The following TOGARAM1 variants were observed in gnomAD, a reference collection of about 807,000 sequenced individuals.
The protein encoded by TOGARAM1 is TOG array regulator of axonemal microtubules 1, also known as TOG array regulator of axonemal microtubules protein 1.
A neutral mutation model predicts 166.6 loss-of-function variants in TOGARAM1; 100 were observed. The observed-to-expected ratio is 0.60, with a 90% CI of 0.51 to 0.71. TOGARAM1 has a LOEUF of 0.71. TOGARAM1 is among the 30% of genes least tolerant of loss of function. TOGARAM1 has a pLI of 0.00. For missense variants in TOGARAM1, 2,029 were observed against 2,102.7 expected, an observed-to-expected ratio of 0.96 and a Z score of 0.69; for synonymous variants, 758 against 763.8, an observed-to-expected ratio of 0.99 and a Z score of 0.13.
At chr14:45,042,192 G>T (rs112245250) in intron 11 of TOGARAM1, 1 of 152,050 alleles carries the variant, frequency 6.6e-6, no homozygotes, top group African/African-American at 2.4e-5. Context: ...TTTCATCACC[G>T]GTTTCCATGC....
At chr14:45,044,348 C>T (rs1231521069) in intron 12 of TOGARAM1, among the ~76,000 whole-genome samples, 1 of 152,006 alleles carries the variant, frequency 6.6e-6, no homozygotes, top group Non-Finnish European at 1.5e-5. Flanking sequence ...TGAGACCAGT[C>T]GGCCCAACAT....
intron 18 of TOGARAM1, among the ~76,000 whole-genome samples, chr14:45,070,937 T>C (rs1473239552): frequency 1.3e-5 from 2 of 152,192 alleles, no homozygotes; most frequent in African/African-American, 2.4e-5. Flanking sequence ...GTTGTTGTTG[T>C]TTTGAGACGG....
At chr14:44,982,990 A>T (rs2138762669) in intron 1 of TOGARAM1, among the ~76,000 whole-genome samples, 1 of 152,340 alleles carries the variant, frequency 6.6e-6, no homozygotes, top group Non-Finnish European at 1.5e-5. Flanking sequence ...AGAAAAGACC[A>T]AGCAAGATAA....
chr14:45,014,043 C>A (rs201315283), intron 7 of TOGARAM1, among the ~76,000 whole-genome samples: 1 of 127,874 alleles, frequency 7.8e-6, no homozygotes, highest in Non-Finnish European at 1.7e-5. Context: ...GTTGCGTAAT[C>A]TTTTTTTTTT....
chr14:45,051,526 G>A (rs955230201), intron 14 of TOGARAM1, among the ~76,000 whole-genome samples: 3 of 151,702 alleles, frequency 2.0e-5, no homozygotes, highest in African/African-American at 7.3e-5. Context: ...ACTTTAAAGG[G>A]GGATTATGGG....
At chr14:45,047,995 G>T (rs1054485546) in intron 14 of TOGARAM1, among the ~76,000 whole-genome samples, 1 of 150,364 alleles carries the variant, frequency 6.7e-6, no homozygotes, top group African/African-American at 2.5e-5. Context: ...GGCAGAGGTT[G>T]CAGTGAGCTG....
Position 45,040,902 on chromosome 14 carries a change from G to A in TOGARAM1, c.3813-2784G>A, listed in dbSNP as rs148975431. Among the ~76,000 whole-genome samples, 176 of 152,154 alleles carry A rather than the reference G, an allele frequency of 1.2e-3. 1 individual carries two copies. The highest frequency in any genetic ancestry group is 4.0e-3 in the African/African-American group (168 of 41,510). On this transcript the variant is annotated intron_variant, in intron 11 of 19. Transcript: ENST00000361462. The stretch of plus-strand genomic sequence containing the variant: ...AAAAATACAAAAATTGGCCAGGTGT[G>A]GCGGCCCATGCCTGTAATCCCAGCT...
chr14:44,988,509 G>C (rs563121306), intron 1 of TOGARAM1, among the ~76,000 whole-genome samples: 1 of 152,170 alleles, frequency 6.6e-6, no homozygotes, highest in Non-Finnish European at 1.5e-5. Context: ...CAGAATTTAA[G>C]ATGGAAGCAG....
Position 44,996,934 on chromosome 14 carries a change from G to C in TOGARAM1, c.2203+1032G>C, listed in dbSNP as rs557702556. 3.3e-5 allele frequency: 5 copies of C among 152,356 alleles called. No individual in the cohort carries two copies. In the South Asian group the frequency reaches 1.0e-3, roughly 32 times the overall value. 9.4% of individuals were successfully genotyped at this position (152,356 alleles called of 1,614,324 possible). A position where few individuals can be genotyped will look rare whatever the true frequency, so the allele number is the denominator to read the frequency against. On this transcript the variant is annotated intron_variant, in intron 2 of 19. Transcript: ENST00000361462. Reference sequence around the variant, plus strand: ...ACATGATCCAGTCACCTCCCACCAGGCCTCACCTACCTCCAACATTGGGGA... The same window carrying C: ...ACATGATCCAGTCACCTCCCACCAGCCCTCACCTACCTCCAACATTGGGGA...
chr14:45,049,760 A>C (rs1292685268), intron 14 of TOGARAM1, among the ~76,000 whole-genome samples: 1 of 152,166 alleles, frequency 6.6e-6, no homozygotes, highest in Non-Finnish European at 1.5e-5. Flanking sequence ...TGTTCAAAAA[A>C]ATTCAAGAGG....
intron 7 of TOGARAM1, among the ~76,000 whole-genome samples, chr14:45,023,673 T>G (rs1880657118): frequency 6.6e-6 from 1 of 152,168 alleles, no homozygotes; most frequent in Admixed American, 6.6e-5. Context: ...AGAAAAGTCT[T>G]GCCCCGTTGG....
chr14:44,977,812 A>AT (rs1240123658), intron 1 of TOGARAM1, among the ~76,000 whole-genome samples: 1 of 151,494 alleles, frequency 6.6e-6, no homozygotes, highest in Non-Finnish European at 1.5e-5. Flanking sequence ...TGCCCAGCTA[A>AT]TTTTTTTTGT....
At chr14:45,069,797 G>C (rs1171708642) in intron 18 of TOGARAM1, among the ~76,000 whole-genome samples, 1 of 152,160 alleles carries the variant, frequency 6.6e-6, no homozygotes, top group African/African-American at 2.4e-5. Flanking sequence ...AGCCACTCTA[G>C]GTTTGGCAGT....
chr14:44,993,055 C>T (rs1034466461), intron 1 of TOGARAM1, among the ~76,000 whole-genome samples: 1 of 151,338 alleles, frequency 6.6e-6, no homozygotes, highest in Non-Finnish European at 1.5e-5. Flanking sequence ...TTGAGCTTGA[C>T]GGTTCGAGCT....
At chr14:45,044,984 T>C (rs1212069732) in intron 13 of TOGARAM1, 114 bp downstream of exon 13, 3 of 694,484 alleles carry the variant, frequency 4.3e-6, no homozygotes, top group Admixed American at 3.3e-5. Flanking sequence ...AAAACATTTA[T>C]TAAAAAGTTC....
At chr14:44,979,388 GT>G (rs745924101) in intron 1 of TOGARAM1, among the ~76,000 whole-genome samples, 84 of 152,174 alleles carry the variant, frequency 5.5e-4, no homozygotes, top group Admixed American at 1.4e-3. Context: ...TCCTTATGGG[GT>G]GGAAGGGACA....
intron 10 of TOGARAM1, among the ~76,000 whole-genome samples, chr14:45,031,143 A>G (rs1036685093): frequency 6.6e-6 from 1 of 152,178 alleles, no homozygotes; most frequent in Non-Finnish European, 1.5e-5. Flanking sequence ...CACAGATAAC[A>G]TGGTTAATAA....
At chr14:45,015,078 T>C (rs1055001658) in intron 7 of TOGARAM1, among the ~76,000 whole-genome samples, 3 of 151,888 alleles carry the variant, frequency 2.0e-5, no homozygotes, top group Admixed American at 2.0e-4. Context: ...CTGAGGCAGG[T>C]GAATCACTTG....
At chr14:45,017,372 G>T (rs1395956006) in intron 7 of TOGARAM1, among the ~76,000 whole-genome samples, 1 of 151,162 alleles carries the variant, frequency 6.6e-6, no homozygotes, top group Non-Finnish European at 1.5e-5. Context: ...GCTGACTTCT[G>T]CCCCCAGGAA....
Sources: gnomAD v4.1 joint callset for allele counts (sites outside exome capture counted in the v4.1 genomes callset) on GRCh38, gnomAD v4.1.1 for gene constraint, MANE v1.5 for transcripts, NCBI Gene and HGNC (gene_info 2026-07-23, HGNC 2026-07-21) for gene names.